The following ELAVL2 variants were observed in gnomAD, a reference collection of about 807,000 sequenced individuals.
ELAVL2 encodes the protein ELAV-like protein 2.
Under a neutral mutation model 34.6 loss-of-function variants are expected in ELAVL2, and 4 were observed. The observed-to-expected ratio is 0.12, with a 90% CI of 0.06 to 0.26. The LOEUF is 0.26. Ranked by LOEUF, ELAVL2 falls within the 10% of genes least tolerant of loss-of-function variation. The pLI is 1.00. For synonymous variants in ELAVL2, 193 were observed against 154.8 expected (o/e 1.25, Z -1.83); for missense variants, 432 against 442.8 (o/e 0.98, Z 0.22).
chr9:23,763,246 A>C (rs549883477), intron 1 of ELAVL2, among the ~76,000 whole-genome samples: 54 of 152,254 alleles, frequency 3.5e-4, no homozygotes, highest in Non-Finnish European at 6.2e-4. Flanking sequence ...AAATGGCCTC[A>C]AACTGTTCAG....
At chr9:23,748,797 T>C (rs1013831918) in intron 2 of ELAVL2, among the ~76,000 whole-genome samples, 3 of 152,052 alleles carry the variant, frequency 2.0e-5, no homozygotes, top group African/African-American at 7.2e-5. Context: ...AAATAAAACA[T>C]ACAGAAGAGT....
upstream of ELAVL2, among the ~76,000 whole-genome samples, chr9:23,830,648 C>A (rs1341734918): frequency 1.8e-5 from 2 of 110,886 alleles, no homozygotes; most frequent in Admixed American, 9.2e-5. Context: ...TTTCCTGGAC[C>A]AATGTATGAG....
At chr9:23,708,094 G>T (rs567297616) in intron 3 of ELAVL2, among the ~76,000 whole-genome samples, 1 of 151,420 alleles carries the variant, frequency 6.6e-6, no homozygotes, top group African/African-American at 2.4e-5. Flanking sequence ...TGTATCTTTA[G>T]TTCCCAGCCA....
intron 1 of ELAVL2, among the ~76,000 whole-genome samples, chr9:23,819,910 C>G (rs1405880538): frequency 6.6e-6 from 1 of 152,172 alleles, no homozygotes; most frequent in Non-Finnish European, 1.5e-5. Flanking sequence ...AGTATATCCT[C>G]CCCACAACCT....
intron 1 of ELAVL2, among the ~76,000 whole-genome samples, chr9:23,782,388 A>T (rs867798640): frequency 7.9e-5 from 12 of 151,956 alleles, no homozygotes; most frequent in Non-Finnish European, 1.5e-4. Context: ...TACAAAAATT[A>T]AAAATACAAA....
chr9:23,767,901 T>C (rs947362079), intron 1 of ELAVL2, among the ~76,000 whole-genome samples: 1 of 152,152 alleles, frequency 6.6e-6, no homozygotes, highest in African/African-American at 2.4e-5. Flanking sequence ...ACCAGACTTC[T>C]GCGGGTTAAA....
chr9:23,709,706 A>G (rs998002643), intron 3 of ELAVL2, among the ~76,000 whole-genome samples: 2 of 152,098 alleles, frequency 1.3e-5, no homozygotes, highest in Non-Finnish European at 2.9e-5. Context: ...TCCATTTTCC[A>G]TTTGCTGGAT....
At chr9:23,780,964 A>G (rs570289230) in intron 1 of ELAVL2, among the ~76,000 whole-genome samples, 2 of 152,302 alleles carry the variant, frequency 1.3e-5, no homozygotes, top group African/African-American at 4.8e-5. Flanking sequence ...ATATGGAAAA[A>G]AAGACTAGAA....
intron 2 of ELAVL2, among the ~76,000 whole-genome samples, chr9:23,745,599 G>A (rs1464339453): frequency 1.3e-5 from 2 of 152,214 alleles, no homozygotes; most frequent in East Asian, 1.9e-4. Flanking sequence ...TCTTTTCAAG[G>A]AGAACCAAAG....
chr9:23,819,980 T>C (rs543969202), intron 1 of ELAVL2, among the ~76,000 whole-genome samples: 2 of 152,232 alleles, frequency 1.3e-5, no homozygotes, highest in South Asian at 2.1e-4. Flanking sequence ...CTACCACAAA[T>C]GCAGTAACAT....
intron 1 of ELAVL2, among the ~76,000 whole-genome samples, chr9:23,787,928 G>A (rs980077985): frequency 2.0e-5 from 3 of 152,158 alleles, no homozygotes; most frequent in Non-Finnish European, 4.4e-5. Context: ...AAACAGTGGA[G>A]GTGCTGAGGC....
chr9:23,816,397 A>C (rs555428079), intron 1 of ELAVL2, among the ~76,000 whole-genome samples: 110 of 151,918 alleles, frequency 7.2e-4, no homozygotes, highest in African/African-American at 2.6e-3. Flanking sequence ...GATATTTATA[A>C]AAGATTTTTG....
intron 1 of ELAVL2, among the ~76,000 whole-genome samples, chr9:23,818,997 T>C (rs1300142404): frequency 1.3e-5 from 2 of 152,224 alleles, no homozygotes; most frequent in African/African-American, 2.4e-5. Flanking sequence ...GATCCCAGCT[T>C]AAAAGTCAGG....
chr9:23,739,584 G>A (rs2048676024), intron 2 of ELAVL2, among the ~76,000 whole-genome samples: 1 of 148,176 alleles, frequency 6.7e-6, no homozygotes, highest in South Asian at 2.1e-4. Context: ...TATATTATCT[G>A]CTTTATCTTG....
At chr9:23,797,748 A>G (rs995569792) in intron 1 of ELAVL2, among the ~76,000 whole-genome samples, 1 of 152,074 alleles carries the variant, frequency 6.6e-6, no homozygotes, top group Admixed American at 6.5e-5. Flanking sequence ...ACCAACATGG[A>G]GAAAACCCCG....
At chr9:23,794,399 C>T (rs1415758403) in intron 1 of ELAVL2, among the ~76,000 whole-genome samples, 1 of 152,194 alleles carries the variant, frequency 6.6e-6, no homozygotes, top group Non-Finnish European at 1.5e-5. Flanking sequence ...CTGTTAAACA[C>T]ACGTACAGCA....
chr9:23,702,974 A>AC (rs2037940429), intron 4 of ELAVL2, among the ~76,000 whole-genome samples: 1 of 139,384 alleles, frequency 7.2e-6, no homozygotes, highest in East Asian at 2.4e-4. Flanking sequence ...AAAAAAAAAA[A>AC]AAAAAAACAG....
intron 2 of ELAVL2, among the ~76,000 whole-genome samples, chr9:23,733,183 A>G (rs891272435): frequency 6.6e-6 from 1 of 151,284 alleles, no homozygotes; most frequent in Non-Finnish European, 1.5e-5. Context: ...AAAAAAAAAA[A>G]AAAAAAAAAC....
Position 23,701,417 on chromosome 9 carries a change from C to A in ELAVL2, c.675G>T (p.Arg225Ser), listed in dbSNP as rs2037156336. Reference protein sequence around the residue: ...LSQLYQSPNRRYPGPLAQQAQ... With the variant: ...LSQLYQSPNRSYPGPLAQQAQ... The stretch of plus-strand genomic sequence containing the variant: ...CCTGCTGAGCTAGCGGTCCTGGATA[C>A]CTTCTGTTTGGAGACTGGTACAGCT... Residue 225 changes from arginine to serine, a missense_variant, in exon 5 of 7, where the codon AGG becomes AGT. By Grantham distance (110) the Arg-to-Ser change is moderately radical. Coordinates refer to ENST00000397312, the MANE Select transcript of ELAVL2 (RefSeq NM_004432.5). 1.9e-6 allele frequency: 3 copies of A among 1,613,952 alleles called. No individual in the cohort carries two copies. Among genetic ancestry groups the A allele is most frequent in the African/African-American group, 1.3e-5 (1 of 74,892 alleles).
Sources: allele counts gnomAD v4.1 joint callset (sites outside exome capture counted in the v4.1 genomes callset), GRCh38; gene constraint gnomAD v4.1.1; transcripts MANE v1.5; gene names NCBI Gene and HGNC (gene_info 2026-07-23, HGNC 2026-07-21).